The following MAP7 variants were observed in gnomAD, a reference collection of about 807,000 sequenced individuals.
MAP7 encodes the protein microtubule associated protein 7, also known as ensconsin.
Under a neutral mutation model 94.8 loss-of-function variants are expected in MAP7, and 52 were observed. The ratio of observed to expected loss-of-function variants is 0.55; its 90% CI spans 0.44 to 0.69. The LOEUF (loss-of-function observed/expected upper bound fraction) is 0.69, where lower values mean the gene tolerates loss of function less well. MAP7 is among the 30% of genes least tolerant of loss of function. MAP7 has a pLI of 0.00. For synonymous variants in MAP7, 350 were observed against 357.0 expected, an observed-to-expected ratio of 0.98 and a Z score of 0.22; for missense variants, 940 against 964.6, an observed-to-expected ratio of 0.97 and a Z score of 0.34.
intron 3 of MAP7, among the ~76,000 whole-genome samples, chr6:136,392,295 T>C (rs1338234979): frequency 1.3e-5 from 2 of 151,842 alleles, no homozygotes; most frequent in Non-Finnish European, 2.9e-5. Flanking sequence ...CCCAGGCTGG[T>C]CTTGACCTCC....
intron 1 of MAP7, among the ~76,000 whole-genome samples, chr6:136,493,204 C>A (rs1467474715): frequency 1.2e-4 from 18 of 147,932 alleles, no homozygotes; most frequent in Admixed American, 1.2e-3. Context: ...CTCACGGCAA[C>A]CTCTGCCTCC....
intron 1 of MAP7, chr6:136,476,189 G>A (rs1179251504): frequency 2.0e-5 from 3 of 152,120 alleles, no homozygotes; most frequent in Non-Finnish European, 4.4e-5. Context: ...CCCTAGCCTG[G>A]TTTAATTTAC....
chr6:136,509,297 G>A (rs1822525898), intron 1 of MAP7, among the ~76,000 whole-genome samples: 2 of 152,194 alleles, frequency 1.3e-5, no homozygotes, highest in Non-Finnish European at 2.9e-5. Context: ...AATGAAAACA[G>A]AAGTTCCTCA....
intron 1 of MAP7, among the ~76,000 whole-genome samples, chr6:136,424,142 A>G (rs1792391155): frequency 6.6e-6 from 1 of 152,012 alleles, no homozygotes. Context: ...AGATTTCACT[A>G]CTTAAGAACA....
intron 1 of MAP7, among the ~76,000 whole-genome samples, chr6:136,533,016 T>C (rs2129056848): frequency 6.6e-6 from 1 of 152,344 alleles, no homozygotes; most frequent in East Asian, 1.9e-4. Context: ...TACATGCCTG[T>C]AATCCCAGCA....
chr6:136,411,549 G>C (rs1004579760), intron 3 of MAP7, 71 bp downstream of exon 3: 24 of 1,270,970 alleles, frequency 1.9e-5, no homozygotes, highest in Non-Finnish European at 6.6e-6. Context: ...ATTCATAAAG[G>C]TATGCAAAAG....
chr6:136,498,520 T>C (rs1818940389), intron 1 of MAP7, among the ~76,000 whole-genome samples: 1 of 152,040 alleles, frequency 6.6e-6, no homozygotes, highest in Non-Finnish European at 1.5e-5. Flanking sequence ...TCTCTGTGAG[T>C]TGAGACTCAG....
At chr6:136,372,680 A>G in intron 7 of MAP7, 55 bp from the exon 8 acceptor site, 1 of 1,611,844 alleles carries the variant, frequency 6.2e-7, no homozygotes, top group Non-Finnish European at 8.5e-7. Flanking sequence ...TTTACACACA[A>G]GAGTGCCAGA....
intron 1 of MAP7, among the ~76,000 whole-genome samples, chr6:136,434,246 G>A (rs1795746280): frequency 6.7e-6 from 1 of 149,462 alleles, no homozygotes; most frequent in African/African-American, 2.5e-5. Flanking sequence ...GGCAGAGGTT[G>A]CAGTGAGACA....
At chr6:136,446,305 T>C (rs1799333071) in intron 1 of MAP7, among the ~76,000 whole-genome samples, 1 of 149,004 alleles carries the variant, frequency 6.7e-6, no homozygotes. Flanking sequence ...CAGAGGTGGA[T>C]AGGGCACAGC....
chr6:136,474,192 A>G (rs1436997747), intron 1 of MAP7, among the ~76,000 whole-genome samples: 1 of 152,214 alleles, frequency 6.6e-6, no homozygotes, highest in Non-Finnish European at 1.5e-5. Context: ...GAGAAAGAAC[A>G]AATGCAGGGA....
At chr6:136,394,383 A>T (rs1781694995) in intron 3 of MAP7, among the ~76,000 whole-genome samples, 1 of 152,072 alleles carries the variant, frequency 6.6e-6, no homozygotes, top group Non-Finnish European at 1.5e-5. Flanking sequence ...TTCACTGTCT[A>T]TGCACATTAT....
intron 1 of MAP7, among the ~76,000 whole-genome samples, chr6:136,439,169 A>G (rs1048126356): frequency 6.6e-6 from 1 of 152,156 alleles, no homozygotes; most frequent in Non-Finnish European, 1.5e-5. Context: ...CTGCCAACCT[A>G]TGACCCAATG....
At chr6:136,410,026 A>C (rs748652158) in intron 3 of MAP7, among the ~76,000 whole-genome samples, 4 of 152,218 alleles carry the variant, frequency 2.6e-5, no homozygotes, top group Non-Finnish European at 5.9e-5. Flanking sequence ...TAGTATAAGT[A>C]AAGTCATTTT....
intron 1 of MAP7, among the ~76,000 whole-genome samples, chr6:136,486,771 T>A (rs911604264): frequency 2.0e-5 from 3 of 152,196 alleles, no homozygotes; most frequent in African/African-American, 7.2e-5. Context: ...TTGAACCACC[T>A]AAGGCTATCC....
intron 1 of MAP7, among the ~76,000 whole-genome samples, chr6:136,444,694 T>A (rs1229196974): frequency 2.6e-5 from 4 of 152,178 alleles, no homozygotes; most frequent in African/African-American, 9.6e-5. Flanking sequence ...TATTCCCTTT[T>A]AAAAAAATAC....
At chr6:136,484,039 G>A (rs537433103) in intron 1 of MAP7, among the ~76,000 whole-genome samples, 2 of 152,320 alleles carry the variant, frequency 1.3e-5, no homozygotes, top group Admixed American at 6.5e-5. Context: ...AGCAGCAGGT[G>A]CTGAGCTGGG....
intron 1 of MAP7, among the ~76,000 whole-genome samples, chr6:136,441,165 A>C (rs1797753448): frequency 6.6e-6 from 1 of 152,214 alleles, no homozygotes. Flanking sequence ...GAGTTGAGAG[A>C]TCTCTTCCGC....
intron 6 of MAP7, among the ~76,000 whole-genome samples, chr6:136,381,521 T>G (rs1254154658): frequency 6.6e-6 from 1 of 152,080 alleles, no homozygotes; most frequent in Admixed American, 6.6e-5. Flanking sequence ...AGAAGAAGTT[T>G]TAAAATTCTC....
Sources: gnomAD v4.1 joint callset for allele counts (sites outside exome capture counted in the v4.1 genomes callset) on GRCh38, gnomAD v4.1.1 for gene constraint, MANE v1.5 for transcripts, NCBI Gene and HGNC (gene_info 2026-07-23, HGNC 2026-07-21) for gene names.